MAST4: variants seen among roughly 807,000 people sequenced by gnomAD.
MAST4 encodes microtubule associated serine/threonine kinase family member 4, also known as microtubule-associated serine/threonine-protein kinase 4.
Under a neutral mutation model 162.7 loss-of-function variants are expected in MAST4, and 89 were observed. The ratio of observed to expected loss-of-function variants is 0.55; its 90% CI spans 0.46 to 0.65. The LOEUF is 0.65. Among genes scored for constraint, MAST4 ranks in the 30% least tolerant of loss-of-function variants. The pLI, the probability that MAST4 is intolerant of heterozygous loss-of-function variation, is 0.00. For synonymous variants in MAST4, 1,479 were observed against 1,361.1 expected (o/e 1.09, Z -1.91); for missense variants, 3,153 against 3,374.0 (o/e 0.93, Z 1.62).
chr5:67,131,050 A>G (rs1191701819), intron 15 of MAST4, among the ~76,000 whole-genome samples: 1 of 152,172 alleles, frequency 6.6e-6, no homozygotes, highest in Non-Finnish European at 1.5e-5. Context: ...GTTGTCATTG[A>G]ACAGAATCCC....
chr5:66,954,974 G>A (rs1016528086), intron 4 of MAST4, among the ~76,000 whole-genome samples: 13 of 149,556 alleles, frequency 8.7e-5, no homozygotes, highest in African/African-American at 3.3e-4. Flanking sequence ...GCCGAGGTGG[G>A]TGGATCACTT....
chr5:66,866,131 A>G (rs1760502521), intron 3 of MAST4, among the ~76,000 whole-genome samples: 1 of 152,022 alleles, frequency 6.6e-6, no homozygotes, highest in African/African-American at 2.4e-5. Context: ...TGCTGCGAAA[A>G]GTATTGGCAA....
At chr5:66,634,028 T>C (rs1162021769) in intron 1 of MAST4, among the ~76,000 whole-genome samples, 1 of 152,176 alleles carries the variant, frequency 6.6e-6, no homozygotes, top group Non-Finnish European at 1.5e-5. Flanking sequence ...AGTTGTGTTG[T>C]TCTAGAGTAA....
intron 25 of MAST4, 78 bp downstream of exon 25, chr5:67,152,944 G>A (rs551528916): frequency 1.7e-6 from 2 of 1,174,878 alleles, no homozygotes; most frequent in East Asian, 5.1e-5. Flanking sequence ...CTGATAAATA[G>A]CAAATATATT....
intron 1 of MAST4, among the ~76,000 whole-genome samples, chr5:66,639,720 G>A (rs1745358490): frequency 6.6e-6 from 1 of 152,144 alleles, no homozygotes; most frequent in Non-Finnish European, 1.5e-5. Context: ...TTTTTGATGT[G>A]TTTATGAAAG....
At chr5:67,079,778 C>G (rs528194542) in intron 5 of MAST4, among the ~76,000 whole-genome samples, 178 of 152,270 alleles carry the variant, frequency 1.2e-3, no homozygotes, top group African/African-American at 4.2e-3. Context: ...CGAAGGTTGC[C>G]CCTGCAAAGC....
intron 1 of MAST4, among the ~76,000 whole-genome samples, chr5:66,682,432 C>T (rs780100781): frequency 6.6e-6 from 1 of 152,194 alleles, no homozygotes; most frequent in Admixed American, 6.5e-5. Flanking sequence ...CAGTGAATTG[C>T]GTCAACAGCT....
chr5:66,856,925 C>G (rs1759729412), intron 3 of MAST4, among the ~76,000 whole-genome samples: 1 of 152,200 alleles, frequency 6.6e-6, no homozygotes. Context: ...AAACACCTCT[C>G]TATCTGACAT....
intron 3 of MAST4, among the ~76,000 whole-genome samples, chr5:66,828,560 G>A (rs1330904496): frequency 6.6e-6 from 1 of 152,192 alleles, no homozygotes; most frequent in Non-Finnish European, 1.5e-5. Context: ...AGAAAACAAG[G>A]ATCTCACGAT....
intron 26 of MAST4, among the ~76,000 whole-genome samples, chr5:67,156,596 C>T (rs6449845): frequency 1.3e-5 from 2 of 152,086 alleles, no homozygotes; most frequent in African/African-American, 4.8e-5. Flanking sequence ...AGTATATAGT[C>T]AGGGGTGCGG....
At chr5:66,722,242 G>A (rs1341088950) in intron 1 of MAST4, among the ~76,000 whole-genome samples, 5 of 151,942 alleles carry the variant, frequency 3.3e-5, no homozygotes, top group South Asian at 2.1e-4. Flanking sequence ...CCCTCATTCC[G>A]CTCCAGCCAT....
intron 3 of MAST4, among the ~76,000 whole-genome samples, chr5:66,820,538 A>G (rs1041978317): frequency 1.4e-4 from 22 of 152,232 alleles, no homozygotes; most frequent in African/African-American, 5.3e-4. Context: ...CATAATTGAA[A>G]AAATATATAT....
At chr5:66,842,269 C>A (rs1211748134) in intron 3 of MAST4, among the ~76,000 whole-genome samples, 1 of 152,128 alleles carries the variant, frequency 6.6e-6, no homozygotes, top group Non-Finnish European at 1.5e-5. Flanking sequence ...GGTGTGGAAT[C>A]ACAGGGGACC....
At chr5:67,158,449 G>A (rs748112192) in intron 26 of MAST4, among the ~76,000 whole-genome samples, 13 of 151,940 alleles carry the variant, frequency 8.6e-5, no homozygotes, top group Non-Finnish European at 1.6e-4. Context: ...GTGTGCTCCC[G>A]TAATCCCAGC....
At chr5:66,729,523 G>A (rs1319409862) in intron 1 of MAST4, among the ~76,000 whole-genome samples, 2 of 151,998 alleles carry the variant, frequency 1.3e-5, no homozygotes, top group African/African-American at 4.8e-5. Context: ...AACTATGCAG[G>A]CCCCTCATAG....
In MAST4 at chr5:67,080,988, TTG is replaced by T. The variant is rs572503341; in HGVS notation, c.764-9172_764-9171del. On this transcript the variant is annotated intron_variant, in intron 5 of 28. Transcript: ENST00000403625. The stretch of plus-strand genomic sequence containing the variant: ...TGTATATATTATATAATATATATAA[TTG>T]TATATATTATATAATATAATATATA... Among the ~76,000 whole-genome samples, 541 of 132,536 alleles carry T rather than the reference TTG, an allele frequency of 4.1e-3. 10 individuals are homozygous for T. Among genetic ancestry groups the T allele is most frequent in the African/African-American group, 0.014 (464 of 32,334 alleles). The allele number at this position is 132,536 out of a possible 152,430, so 86.9% of individuals were successfully genotyped here.
intron 3 of MAST4, among the ~76,000 whole-genome samples, chr5:66,811,858 G>C (rs542494150): frequency 4.6e-5 from 7 of 152,348 alleles, no homozygotes; most frequent in African/African-American, 1.7e-4. Context: ...TTAAAAGATA[G>C]TTGCAAATGC....
At chr5:66,668,412 A>T (rs1452302561) in intron 1 of MAST4, among the ~76,000 whole-genome samples, 5 of 152,188 alleles carry the variant, frequency 3.3e-5, no homozygotes, top group Non-Finnish European at 7.3e-5. Context: ...TACTGACTTT[A>T]TAGAAAGGAT....
chr5:67,148,407 C>T (rs1267672775), intron 23 of MAST4, among the ~76,000 whole-genome samples: 1 of 152,172 alleles, frequency 6.6e-6, no homozygotes, highest in Non-Finnish European at 1.5e-5. Flanking sequence ...AGCTGTTCAG[C>T]TTCCTTCTGG....
Sources: gnomAD v4.1 joint callset for allele counts (sites outside exome capture counted in the v4.1 genomes callset) on GRCh38, gnomAD v4.1.1 for gene constraint, MANE v1.5 for transcripts, NCBI Gene and HGNC (gene_info 2026-07-23, HGNC 2026-07-21) for gene names.